GAP43: variants seen among roughly 807,000 people sequenced by gnomAD.
GAP43 encodes growth associated protein 43, also known as neuromodulin.
GAP43 carries 6 observed loss-of-function variants against 18.6 expected under a neutral mutation model. The ratio of observed to expected loss-of-function variants is 0.32; its 90% CI spans 0.18 to 0.64. The LOEUF (loss-of-function observed/expected upper bound fraction) is 0.64. GAP43 is among the 30% of genes least tolerant of loss of function. The pLI is 0.78. For synonymous variants in GAP43, 115 were observed against 111.4 expected (o/e 1.03, Z -0.20); for missense variants, 292 against 295.5 (o/e 0.99, Z 0.09).
In GAP43 at chr3:115,651,413, A is replaced by T. The variant is rs146227796; in HGVS notation, c.31-24600A>T. Reference sequence around the variant, plus strand: ...ATATCATTTGTTTTTAATTTGTTGCATGAATTTTTGTGTTCATTTGGCAAG... The same window carrying T: ...ATATCATTTGTTTTTAATTTGTTGCTTGAATTTTTGTGTTCATTTGGCAAG... On this transcript the variant is annotated intron_variant, in intron 1 of 2. Transcript: ENST00000305124. Among the ~76,000 whole-genome samples, 926 of 152,304 alleles carry T rather than the reference A, an allele frequency of 6.1e-3. 33 individuals carry two copies. The highest frequency in any genetic ancestry group is 0.055 in the Admixed American group (845 of 15,300).
chr3:115,626,027 G>T (rs1422061435), intron 1 of GAP43, among the ~76,000 whole-genome samples: 1 of 152,216 alleles, frequency 6.6e-6, no homozygotes, highest in Middle Eastern at 3.2e-3. Flanking sequence ...ACATTAGCCA[G>T]TATTTAGGAT....
At chr3:115,676,889 T>C (rs1245518144) in intron 2 of GAP43, among the ~76,000 whole-genome samples, 1 of 152,226 alleles carries the variant, frequency 6.6e-6, no homozygotes, top group Admixed American at 6.5e-5. Context: ...GATTGATATA[T>C]GCAGTCAAAC....
chr3:115,679,541 G>C (rs1708934944), intron 2 of GAP43, among the ~76,000 whole-genome samples: 1 of 152,172 alleles, frequency 6.6e-6, no homozygotes, highest in Non-Finnish European at 1.5e-5. Flanking sequence ...AGAGGAAGAG[G>C]AGTGTTCAAA....
intron 2 of GAP43, among the ~76,000 whole-genome samples, chr3:115,694,769 G>C (rs1709163439): frequency 6.6e-6 from 1 of 152,184 alleles, no homozygotes; most frequent in African/African-American, 2.4e-5. Flanking sequence ...CACATTTACA[G>C]TAAATTTTGT....
chr3:115,625,033 C>T (rs1161507568), intron 1 of GAP43, among the ~76,000 whole-genome samples: 2 of 151,782 alleles, frequency 1.3e-5, no homozygotes, highest in African/African-American at 4.8e-5. Context: ...ATTTGTAATA[C>T]ACTCCCTGAA....
intron 1 of GAP43, among the ~76,000 whole-genome samples, chr3:115,633,001 A>G (rs1708278474): frequency 1.4e-5 from 2 of 148,076 alleles, no homozygotes; most frequent in South Asian, 4.3e-4. Context: ...TTAAGAGTCT[A>G]TAAAAGGAAT....
rs78037837 is a variant in GAP43, at chr3:115,697,701, G to C, written c.628+21091G>C. Among the ~76,000 whole-genome samples the C allele has an allele frequency of 5.5e-3, 841 of 152,190 alleles. 9 individuals are homozygous for C. The highest frequency in any genetic ancestry group is 0.02 in the African/African-American group (812 of 41,540). On this transcript the variant is annotated intron_variant, in intron 2 of 2. Transcript: ENST00000305124. ...GGGAATTCTGCCCAGACTGGAAATA[G>C]ATGGCAAAACACACTTTTGCTTAGA...
intron 2 of GAP43, among the ~76,000 whole-genome samples, chr3:115,682,307 AT>A (rs1708967734): frequency 6.6e-6 from 1 of 152,232 alleles, no homozygotes; most frequent in South Asian, 2.1e-4. Context: ...TACATCAGTT[AT>A]GCCAGGAGGA....
intron 2 of GAP43, among the ~76,000 whole-genome samples, chr3:115,683,429 AG>A (rs1246548940): frequency 2.6e-5 from 4 of 152,176 alleles, no homozygotes; most frequent in Non-Finnish European, 5.9e-5. Flanking sequence ...ATCTCAGTAG[AG>A]GTTTCTAATC....
intron 2 of GAP43, among the ~76,000 whole-genome samples, chr3:115,690,992 T>C (rs1709104674): frequency 6.6e-6 from 1 of 152,028 alleles, no homozygotes; most frequent in Admixed American, 6.6e-5. Context: ...CCTGACCTCA[T>C]GATCCACCCG....
At chr3:115,706,394 A>T (rs1709363042) in intron 2 of GAP43, among the ~76,000 whole-genome samples, 1 of 104,126 alleles carries the variant, frequency 9.6e-6, no homozygotes, top group African/African-American at 3.0e-5. Flanking sequence ...TTTACTACCC[A>T]GCTGGGGGGT....
intron 2 of GAP43, among the ~76,000 whole-genome samples, chr3:115,716,624 T>G (rs1167524653): frequency 1.3e-5 from 2 of 150,372 alleles, no homozygotes; most frequent in African/African-American, 4.9e-5. Flanking sequence ...CACTTTTTTT[T>G]CTGCCAACTA....
chr3:115,628,050 C>T (rs182360891), intron 1 of GAP43, among the ~76,000 whole-genome samples: 19 of 152,250 alleles, frequency 1.2e-4, no homozygotes, highest in African/African-American at 4.3e-4. Context: ...CTTAAACATA[C>T]TTGATGTGAA....
chr3:115,650,951 C>T (rs921164641), intron 1 of GAP43, among the ~76,000 whole-genome samples: 1 of 151,768 alleles, frequency 6.6e-6, no homozygotes, highest in African/African-American at 2.4e-5. Context: ...ATAGCGAGAC[C>T]TTGTCTCTAC....
chr3:115,676,109 C>T lies in GAP43; in HGVS notation c.127C>T (p.Arg43Cys). The T allele has an allele frequency of 6.2e-7, 1 of 1,614,134 alleles. No homozygotes were observed. ...CGCAACCAAAATTCAGGCTAGCTTC[C>T]GTGGACACATAACAAGGAAAAAGCT... ...KAATKIQASF[R>C]GHITRKKLKG... is the part of the protein sequence containing the mutation. Residue 43 changes from arginine (R) to cysteine (C), a missense_variant, in exon 2 of 3, where the codon CGT becomes TGT. Coordinates refer to ENST00000305124, the MANE Select transcript of GAP43 (RefSeq NM_002045.4).
chr3:115,652,839 C>T (rs767424808), intron 1 of GAP43, among the ~76,000 whole-genome samples: 3 of 152,166 alleles, frequency 2.0e-5, no homozygotes, highest in African/African-American at 4.8e-5. Flanking sequence ...TTCAGACCAC[C>T]GTCTTGAGAC....
At chr3:115,667,763 A>G (rs532412760) in intron 1 of GAP43, among the ~76,000 whole-genome samples, 1 of 152,162 alleles carries the variant, frequency 6.6e-6, no homozygotes, top group East Asian at 1.9e-4. Flanking sequence ...TTCTTGATGC[A>G]TTGGCTTCCT....
chr3:115,624,414 G>A (rs1420960828), intron 1 of GAP43, among the ~76,000 whole-genome samples: 1 of 151,984 alleles, frequency 6.6e-6, no homozygotes, highest in African/African-American at 2.4e-5. Context: ...CCAGCTGGTC[G>A]GAGGAGAGGG....
intron 2 of GAP43, among the ~76,000 whole-genome samples, chr3:115,694,228 A>G (rs994327159): frequency 2.0e-5 from 3 of 152,166 alleles, no homozygotes; most frequent in African/African-American, 7.2e-5. Flanking sequence ...TTCCAGCTCC[A>G]CCCCGAAGCC....
Sources: gnomAD v4.1 joint callset for allele counts (sites outside exome capture counted in the v4.1 genomes callset) on GRCh38, gnomAD v4.1.1 for gene constraint, MANE v1.5 for transcripts, NCBI Gene and HGNC (gene_info 2026-07-23, HGNC 2026-07-21) for gene names.